HYCC1: variants seen among roughly 807,000 people sequenced by gnomAD.
The protein encoded by HYCC1 is hyccin.
chr7:23,002,184 T>G, the HYCC1 span, among the ~76,000 whole-genome samples: 6 of 122,168 alleles, frequency 4.9e-5, 1 homozygote, highest in Non-Finnish European at 5.1e-5. Flanking sequence ...ATACATATAG[T>G]TTGCGGCTAC....
chr7:23,002,548 T>C, the HYCC1 span, among the ~76,000 whole-genome samples: 6 of 152,130 alleles, frequency 3.9e-5, no homozygotes, highest in Non-Finnish European at 5.9e-5. Flanking sequence ...TTGCTTGCCA[T>C]TGGCTGTATT....
At chr7:22,986,281 GTCA>G in the HYCC1 span, among the ~76,000 whole-genome samples, 1 of 152,112 alleles carries the variant, frequency 6.6e-6, no homozygotes, top group Admixed American at 6.5e-5. Context: ...TCACAATTCT[GTCA>G]TCATTTTATT....
chr7:22,955,333 T>G, the HYCC1 span, among the ~76,000 whole-genome samples: 1 of 123,364 alleles, frequency 8.1e-6, no homozygotes, highest in Non-Finnish European at 1.8e-5. Flanking sequence ...CAAACAAAAC[T>G]GTTCTTAATT....
the HYCC1 span, among the ~76,000 whole-genome samples, chr7:22,990,453 T>C: frequency 1.3e-5 from 2 of 152,224 alleles, no homozygotes; most frequent in Non-Finnish European, 2.9e-5. Flanking sequence ...AAACTCTTCA[T>C]TCCTGTGGTT....
At chr7:22,898,091 G>C in the HYCC1 span, among the ~76,000 whole-genome samples, 1 of 152,106 alleles carries the variant, frequency 6.6e-6, no homozygotes, top group South Asian at 2.1e-4. Flanking sequence ...TTGTTACCCA[G>C]GCTGGAGTGC....
At chr7:23,003,197 G>C in the HYCC1 span, among the ~76,000 whole-genome samples, 1 of 152,186 alleles carries the variant, frequency 6.6e-6, no homozygotes, top group East Asian at 1.9e-4. Context: ...TCAGCAACCA[G>C]CCTGGCTCTT....
the HYCC1 span, among the ~76,000 whole-genome samples, chr7:22,968,997 A>C: frequency 1.1e-4 from 16 of 152,170 alleles, no homozygotes; most frequent in African/African-American, 2.9e-4. Flanking sequence ...AAAAAAACAA[A>C]AAAAAAAGTG....
the HYCC1 span, among the ~76,000 whole-genome samples, chr7:22,915,395 G>A: frequency 1.3e-5 from 2 of 152,246 alleles, no homozygotes; most frequent in East Asian, 1.9e-4. Context: ...TGCTTCAAGT[G>A]CTGGAAATCT....
the HYCC1 span, among the ~76,000 whole-genome samples, chr7:22,913,745 G>A: frequency 6.6e-6 from 1 of 152,144 alleles, no homozygotes; most frequent in Non-Finnish European, 1.5e-5. Context: ...TTCAGACTCA[G>A]CCCACCTACA....
chr7:22,939,907 A>C, the HYCC1 span: 1 of 152,214 alleles, frequency 6.6e-6, no homozygotes, highest in Non-Finnish European at 1.5e-5. Context: ...TATCACAATA[A>C]CATAATGCAA....
chr7:22,962,466 A>G, the HYCC1 span, among the ~76,000 whole-genome samples: 1 of 152,188 alleles, frequency 6.6e-6, no homozygotes, highest in African/African-American at 2.4e-5. Flanking sequence ...ACAAAGAGCC[A>G]GCCAGATGCC....
the HYCC1 span, among the ~76,000 whole-genome samples, chr7:22,982,724 TC>T: frequency 2.6e-5 from 4 of 152,096 alleles, no homozygotes; most frequent in African/African-American, 9.7e-5. Flanking sequence ...GCATTCCCCA[TC>T]TTTTCATTTG....
chr7:22,930,652 C>T, the HYCC1 span, among the ~76,000 whole-genome samples: 1 of 151,864 alleles, frequency 6.6e-6, no homozygotes, highest in Non-Finnish European at 1.5e-5. Context: ...CCAGAAAAAA[C>T]ATCATAAGAA....
At chr7:22,938,935 G>C in the HYCC1 span, 4 of 151,998 alleles carry the variant, frequency 2.6e-5, no homozygotes, top group African/African-American at 9.7e-5. Flanking sequence ...CACACTTTGA[G>C]AAACAATGCT....
At chr7:22,945,994 G>A in the HYCC1 span, 1 of 1,613,448 alleles carries the variant, frequency 6.2e-7, no homozygotes, top group African/African-American at 1.3e-5. Flanking sequence ...CTCCAGTTTT[G>A]CTTCCTCCTG....
At chr7:22,930,085 C>G in the HYCC1 span, among the ~76,000 whole-genome samples, 3 of 150,332 alleles carry the variant, frequency 2.0e-5, no homozygotes, top group Admixed American at 1.3e-4. Context: ...AGCAAACTAT[C>G]GCAAGGACAA....
At chr7:22,992,253 T>G in the HYCC1 span, among the ~76,000 whole-genome samples, 1 of 152,172 alleles carries the variant, frequency 6.6e-6, no homozygotes, top group Admixed American at 6.5e-5. Flanking sequence ...GCTGTCTAAT[T>G]CTCATAAAAA....
chr7:22,947,044 T>C, the HYCC1 span: 1 of 1,550,342 alleles, frequency 6.5e-7, no homozygotes, highest in Non-Finnish European at 8.7e-7. Flanking sequence ...GATTTTTGCC[T>C]CCTGATCTCT....
chr7:22,976,060 T>C, the HYCC1 span: 1 of 629,104 alleles, frequency 1.6e-6, no homozygotes, highest in East Asian at 2.8e-5. Flanking sequence ...TAGGGAACTT[T>C]CCATGTGTTG....
Sources: allele counts gnomAD v4.1 joint callset (sites outside exome capture counted in the v4.1 genomes callset), GRCh38; gene constraint gnomAD v4.1.1; transcripts MANE v1.5; gene names NCBI Gene and HGNC (gene_info 2026-07-23, HGNC 2026-07-21).